The following ZFAT variants were observed in gnomAD, a reference collection of about 807,000 sequenced individuals.
ZFAT encodes the protein zinc finger protein ZFAT.
Under a neutral mutation model 117.7 loss-of-function variants are expected in ZFAT, and 64 were observed. The observed-to-expected ratio is 0.54, with a 90% confidence interval of 0.44 to 0.67. The LOEUF (loss-of-function observed/expected upper bound fraction) is 0.67, where lower values mean the gene tolerates loss of function less well. Among genes scored for constraint, ZFAT ranks in the 30% least tolerant of loss-of-function variants. The pLI is 0.00. For missense variants in ZFAT, 1,433 were observed against 1,584.5 expected (o/e 0.90, Z 1.62); for synonymous variants, 679 against 615.0 (o/e 1.10, Z -1.54).
chr8:134,686,843 A>G lies in ZFAT; in HGVS notation c.19+26002T>C, dbSNP rs184564792. Among the ~76,000 whole-genome samples, 34 of 152,258 alleles carry G rather than the reference A, an allele frequency of 2.2e-4. No homozygotes were observed. In the East Asian group the frequency reaches 5.8e-3, roughly 26 times the overall value. On this transcript the variant is annotated intron_variant, in intron 1 of 15. Transcript: ENST00000377838. ...CTCCTAAGTGGCTCTCACACTTCCA[A>G]TGGATGGATTCTGCATACGTCTCTG...
At position 134,480,540 on chromosome 8, in the gene ZFAT, G is replaced by A. The variant is rs538274566; in HGVS notation, c.3493-1819C>T. ...AAAACCACAGTCCTCTGAGGAAGCC[G>A]AGTCTCATGTTGCAGGCACAGGGCA... On this transcript the variant is annotated intron_variant, in intron 15 of 15. Transcript: ENST00000377838. Among the ~76,000 whole-genome samples the A allele has an allele frequency of 1.5e-4, 23 of 152,346 alleles. No individual in the cohort carries two copies. The South Asian group carries it at 4.4e-3, about 29-fold the overall frequency.
At chr8:134,807,446 A>AG in the ZFAT span, among the ~76,000 whole-genome samples, 1 of 152,008 alleles carries the variant, frequency 6.6e-6, no homozygotes, top group Non-Finnish European at 1.5e-5. Context: ...TGGAAAAAAA[A>AG]CCCTCAAATG....
chr8:134,823,995 T>A, the ZFAT span, among the ~76,000 whole-genome samples: 19 of 152,222 alleles, frequency 1.2e-4, 1 homozygote, highest in Admixed American at 1.0e-3. Flanking sequence ...ACTTCTCAAA[T>A]TCTAAATGCA....
chr8:134,536,379 G>A (rs1051198036), intron 11 of ZFAT, among the ~76,000 whole-genome samples: 1 of 152,140 alleles, frequency 6.6e-6, no homozygotes, highest in African/African-American at 2.4e-5. Context: ...CCAGTGCAGG[G>A]GGAGTTAGGA....
At position 134,555,767 on chromosome 8, in the gene ZFAT, T is replaced by C. The variant is rs192364108; in HGVS notation, c.2976+9566A>G. ...CAGGTGCCCCAGATGTTAAAATTAT[T>C]AAACAAAAACACTGAAGTAACTAGA... On this transcript the variant is annotated intron_variant, in intron 11 of 15. Transcript: ENST00000377838. 2.1e-3 allele frequency among the ~76,000 whole-genome samples: 322 copies of C among 151,044 alleles called. 2 individuals are homozygous for C. The highest frequency in any genetic ancestry group is 6.5e-3 in the African/African-American group (267 of 41,106).
chr8:134,556,110 A>G (rs1056456882), intron 11 of ZFAT, among the ~76,000 whole-genome samples: 3 of 151,950 alleles, frequency 2.0e-5, no homozygotes, highest in Non-Finnish European at 2.9e-5. Flanking sequence ...AGGAAAAGAA[A>G]AAGAAAAAGA....
chr8:134,702,848 T>C (rs1834052452), intron 1 of ZFAT, among the ~76,000 whole-genome samples: 1 of 152,114 alleles, frequency 6.6e-6, no homozygotes. Context: ...ATTTCTTGTA[T>C]TTTTAGTAGA....
chr8:134,665,485 G>A (rs948720615), intron 1 of ZFAT, among the ~76,000 whole-genome samples: 5 of 152,220 alleles, frequency 3.3e-5, no homozygotes, highest in African/African-American at 1.2e-4. Flanking sequence ...CCACCTGGTG[G>A]GAGTCTCAAG....
chr8:134,726,168 G>A, the ZFAT span, among the ~76,000 whole-genome samples: 1 of 152,006 alleles, frequency 6.6e-6, no homozygotes, highest in East Asian at 1.9e-4. Flanking sequence ...TTCATCTGAG[G>A]AAGGATCCTT....
At chr8:134,534,770 G>A (rs368691150) in intron 11 of ZFAT, among the ~76,000 whole-genome samples, 12 of 26,370 alleles carry the variant, frequency 4.6e-4, no homozygotes, top group African/African-American at 1.7e-3. Context: ...AGGGAGAGAG[G>A]GAGAAAGAGA....
chr8:134,545,406 G>C (rs995007663), intron 11 of ZFAT, among the ~76,000 whole-genome samples: 7 of 151,954 alleles, frequency 4.6e-5, no homozygotes, highest in Non-Finnish European at 1.0e-4. Context: ...GGTAGTCCCA[G>C]CTAGTCCAGG....
the ZFAT span, among the ~76,000 whole-genome samples, chr8:134,804,164 C>T: frequency 6.6e-6 from 1 of 152,078 alleles, no homozygotes; most frequent in Admixed American, 6.5e-5. Context: ...TGGGGAAACA[C>T]AAAAAATAGA....
At chr8:134,676,531 G>A (rs1464643861) in intron 1 of ZFAT, among the ~76,000 whole-genome samples, 2 of 152,176 alleles carry the variant, frequency 1.3e-5, no homozygotes, top group Non-Finnish European at 2.9e-5. Context: ...ATATTAGACA[G>A]ATCAATGAGA....
chr8:134,649,205 CA>C (rs1425346372), intron 2 of ZFAT, among the ~76,000 whole-genome samples: 3 of 74,676 alleles, frequency 4.0e-5, no homozygotes, highest in African/African-American at 2.1e-4. Flanking sequence ...ACACACACCC[CA>C]TCATACTTAA....
At chr8:134,662,889 C>T (rs1011424845) in intron 1 of ZFAT, among the ~76,000 whole-genome samples, 4 of 152,254 alleles carry the variant, frequency 2.6e-5, no homozygotes, top group Non-Finnish European at 5.9e-5. Flanking sequence ...CATCCGCCCA[C>T]AGAGGACGGC....
intron 1 of ZFAT, among the ~76,000 whole-genome samples, chr8:134,671,629 T>A (rs202207312): frequency 2.0e-5 from 3 of 152,128 alleles, no homozygotes; most frequent in African/African-American, 4.8e-5. Flanking sequence ...TATTTATGAC[T>A]AACCCACAGC....
chr8:134,507,779 C>T (rs1272462583), intron 15 of ZFAT, among the ~76,000 whole-genome samples: 2 of 152,162 alleles, frequency 1.3e-5, no homozygotes, highest in Non-Finnish European at 2.9e-5. Flanking sequence ...AAACAAGACA[C>T]AAGTCACAAC....
At chr8:134,763,241 A>G in the ZFAT span, among the ~76,000 whole-genome samples, 172 of 152,342 alleles carry the variant, frequency 1.1e-3, no homozygotes, top group African/African-American at 3.8e-3. Context: ...ATTTACCATC[A>G]ACTATAAGGC....
intron 15 of ZFAT, among the ~76,000 whole-genome samples, chr8:134,495,114 C>CCAAAGCAGCCTGAGCTGA (rs1205438221): frequency 6.6e-6 from 1 of 152,238 alleles, no homozygotes; most frequent in Non-Finnish European, 1.5e-5. Context: ...ATCTGCAATT[C>CCAAAGCAGCCTGAGCTGA]CAAAGCAGCC....
Sources: gnomAD v4.1 joint callset for allele counts (sites outside exome capture counted in the v4.1 genomes callset) on GRCh38, gnomAD v4.1.1 for gene constraint, MANE v1.5 for transcripts, NCBI Gene and HGNC (gene_info 2026-07-23, HGNC 2026-07-21) for gene names.